ADGRV1: variants seen among roughly 807,000 people sequenced by gnomAD.
The protein encoded by ADGRV1 is G-protein coupled receptor 98.
In ADGRV1, 359 loss-of-function variants were observed where a neutral mutation model predicts 596.2. That is an observed-to-expected ratio of 0.60 (90% CI 0.55 to 0.66). The LOEUF is 0.66. ADGRV1 is among the 30% of genes least tolerant of loss of function. The pLI is 0.00. For missense variants in ADGRV1, 7,274 were observed against 7,575.6 expected, an observed-to-expected ratio of 0.96 and a Z score of 1.48; for synonymous variants, 2,681 against 2,679.2, an observed-to-expected ratio of 1.00 and a Z score of -0.02.
chr5:90,617,322 T>G (rs1763488504), intron 2 of ADGRV1: 1 of 152,012 alleles, frequency 6.6e-6, no homozygotes, highest in Non-Finnish European at 1.5e-5. Flanking sequence ...TTCCTTTTTT[T>G]TTTTTGAGGC....
At chr5:90,687,789 C>G (rs1745882952) in intron 29 of ADGRV1, among the ~76,000 whole-genome samples, 2 of 152,062 alleles carry the variant, frequency 1.3e-5, no homozygotes, top group South Asian at 2.1e-4. Context: ...TGAGTGAACT[C>G]CCATTCACAA....
At chr5:90,567,802 C>G (rs1238264451) in intron 1 of ADGRV1, among the ~76,000 whole-genome samples, 1 of 150,278 alleles carries the variant, frequency 6.7e-6, no homozygotes, top group East Asian at 1.9e-4. Context: ...TGCAGTGGTG[C>G]GATCTTGTCT....
intron 83 of ADGRV1, among the ~76,000 whole-genome samples, chr5:90,955,608 A>G (rs1777406801): frequency 6.6e-6 from 1 of 152,228 alleles, no homozygotes; most frequent in African/African-American, 2.4e-5. Context: ...AAATGCTCTC[A>G]TATTGAAATA....
Position 90,684,078 on chromosome 5 carries a change from C to G in ADGRV1, c.6157C>G (p.Gln2053Glu). Residue 2053 changes from glutamine to glutamate, a missense_variant, in exon 28 of 90, where the codon CAG (glutamine) becomes GAG (glutamate). By Grantham distance (29) the Gln-to-Glu change is conservative (BLOSUM62 2). Around this residue, in one of 5 missense-constraint regions of ADGRV1, gnomAD observed 3,643 missense variants for 3,809.2 expected, o/e 0.96. Transcript: ENST00000405460. Reference sequence around the variant, plus strand: ...TGGATTTGCTCTTTTTGGAGCTAATCAGAGTGAGGCAACAATAGCTATTTC... The same window carrying G: ...TGGATTTGCTCTTTTTGGAGCTAATGAGAGTGAGGCAACAATAGCTATTTC... ...ASGFALFGAN[Q>E]SEATIAISIL... 1 of 1,613,892 alleles carries G rather than the reference C, an allele frequency of 6.2e-7. No homozygotes were observed. Among genetic ancestry groups the G allele is most frequent in the South Asian group, 1.1e-5 (1 of 91,070 alleles).
chr5:91,132,678 C>G (rs1013888077), intron 87 of ADGRV1, among the ~76,000 whole-genome samples: 3 of 152,208 alleles, frequency 2.0e-5, no homozygotes, highest in Non-Finnish European at 4.4e-5. Context: ...AATCAGATGG[C>G]TGATGAGGTG....
chr5:90,817,441 G>A (rs1366460511), intron 75 of ADGRV1, among the ~76,000 whole-genome samples: 1 of 149,310 alleles, frequency 6.7e-6, no homozygotes, highest in Admixed American at 6.6e-5. Context: ...GTCAATTTTG[G>A]CTTTTGTTGC....
At chr5:90,784,086 T>C in intron 67 of ADGRV1, 29 bp downstream of exon 67, 1 of 1,476,316 alleles carries the variant, frequency 6.8e-7, no homozygotes, top group Non-Finnish European at 9.3e-7. Context: ...TGACTTTAAA[T>C]ATAATTTTTG....
chr5:90,817,780 T>G (rs1443228730), intron 75 of ADGRV1, among the ~76,000 whole-genome samples: 1 of 152,084 alleles, frequency 6.6e-6, no homozygotes, highest in Non-Finnish European at 1.5e-5. Context: ...TATATCTCTG[T>G]TTTGGTACCA....
At chr5:90,747,609 G>A (rs1754769926) in intron 52 of ADGRV1, among the ~76,000 whole-genome samples, 1 of 152,068 alleles carries the variant, frequency 6.6e-6, no homozygotes, top group Admixed American at 6.6e-5. Flanking sequence ...AACCAGGGAA[G>A]CATACTAGGG....
chr5:90,721,531 A>AAAT lies in ADGRV1; in HGVS notation c.9748+474_9748+475insTAA, dbSNP rs1561594987. Among the ~76,000 whole-genome samples the AAAT allele has an allele frequency of 2.4e-5, 2 of 82,642 alleles. 1 individual carries two copies. The highest frequency in any genetic ancestry group is 2.1e-4 in the Admixed American group (2 of 9,660). 54.2% of individuals were successfully genotyped at this position (82,642 alleles called of 152,430 possible). ...AAATAAAATAAAATAAAATAAAAAT[A>AAAT]AAAATAAAATAAAATAAAATAAAAT... On this transcript the variant is annotated intron_variant, in intron 45 of 89. Transcript: ENST00000405460.
At chr5:90,851,134 T>TGTGTGTGTGTGTGAGAGA (rs757909771) in intron 79 of ADGRV1, among the ~76,000 whole-genome samples, 139 of 81,492 alleles carry the variant, frequency 1.7e-3, no homozygotes, top group Non-Finnish European at 2.6e-3. Flanking sequence ...TGTGTGTGTG[T>TGTGTGTGTGTGTGAGAGA]GAGAGAGAGA....
At chr5:90,791,535 G>A (rs1377284785) in intron 70 of ADGRV1, 189 bp downstream of exon 70, 1 of 558,554 alleles carries the variant, frequency 1.8e-6, no homozygotes, top group Non-Finnish European at 3.2e-6. Context: ...TTACTATTTG[G>A]ATGGAGATAA....
At chr5:90,874,751 G>A (rs780739164) in intron 83 of ADGRV1, among the ~76,000 whole-genome samples, 93 of 151,992 alleles carry the variant, frequency 6.1e-4, no homozygotes, top group Non-Finnish European at 9.3e-4. Flanking sequence ...TCAGCTTCTC[G>A]GGAGGCTGAG....
At chr5:90,887,716 G>A (rs1045039997) in intron 83 of ADGRV1, among the ~76,000 whole-genome samples, 2 of 152,144 alleles carry the variant, frequency 1.3e-5, no homozygotes, top group East Asian at 1.9e-4. Flanking sequence ...ATTTGATAGC[G>A]AAAGTGTAAA....
chr5:90,914,875 A>G (rs2150708528), intron 83 of ADGRV1, among the ~76,000 whole-genome samples: 1 of 152,322 alleles, frequency 6.6e-6, no homozygotes, highest in African/African-American at 2.4e-5. Flanking sequence ...AGATCTCTTA[A>G]AAGACAAATT....
At chr5:90,899,443 T>A (rs1224596866) in intron 83 of ADGRV1, 1 of 152,066 alleles carries the variant, frequency 6.6e-6, no homozygotes, top group Non-Finnish European at 1.5e-5. Context: ...TAGGTAAACA[T>A]CCCCTACCTG....
intron 87 of ADGRV1, among the ~76,000 whole-genome samples, chr5:91,125,510 G>A (rs1171400746): frequency 6.6e-6 from 1 of 152,192 alleles, no homozygotes; most frequent in African/African-American, 2.4e-5. Context: ...GGCGACACTA[G>A]TCTTGGGCAA....
chr5:90,709,755 A>G (rs1749088795), intron 39 of ADGRV1, among the ~76,000 whole-genome samples: 2 of 152,250 alleles, frequency 1.3e-5, no homozygotes, highest in African/African-American at 2.4e-5. Flanking sequence ...GATTCCAATG[A>G]GTAGGCTGTT....
chr5:91,014,136 C>CCACACACACACACACACACA (rs70973720), intron 85 of ADGRV1, among the ~76,000 whole-genome samples: 32 of 35,696 alleles, frequency 9.0e-4, no homozygotes, highest in African/African-American at 1.8e-3. Flanking sequence ...TTCACAATTG[C>CCACACACACACACACACACA]CACACACACA....
Sources: allele counts gnomAD v4.1 joint callset (sites outside exome capture counted in the v4.1 genomes callset), GRCh38; gene constraint gnomAD v4.1.1; regional missense constraint gnomAD v4.1.1; transcripts MANE v1.5; gene names NCBI Gene and HGNC (gene_info 2026-07-23, HGNC 2026-07-21).